GGA2: variants seen among roughly 807,000 people sequenced by gnomAD.
GGA2 encodes ADP-ribosylation factor-binding protein GGA2.
GGA2 carries 48 observed loss-of-function variants against 79.5 expected under a neutral mutation model. That is an observed-to-expected ratio of 0.60 (90% confidence interval 0.48 to 0.77). The LOEUF is 0.77. Ranked by LOEUF, GGA2 falls within the 30% of genes least tolerant of loss-of-function variation. The pLI, the probability that GGA2 is intolerant of heterozygous loss-of-function variation, is 0.00. For synonymous variants in GGA2, 317 were observed against 302.0 expected (o/e 1.05, Z -0.51); for missense variants, 770 against 774.0 (o/e 0.99, Z 0.06).
chr16:23,468,215 G>T (rs1964466286), intron 16 of GGA2, among the ~76,000 whole-genome samples: 1 of 151,852 alleles, frequency 6.6e-6, no homozygotes, highest in African/African-American at 2.4e-5. Context: ...GTCTCGCTCT[G>T]TCACCAGGCT....
intron 9 of GGA2, among the ~76,000 whole-genome samples, chr16:23,481,718 G>A (rs1964650792): frequency 6.6e-6 from 1 of 152,106 alleles, no homozygotes. Context: ...GGCTGTAGAG[G>A]CTACAGTGAG....
At chr16:23,501,120 G>T (rs1381649236) in intron 1 of GGA2, 6 of 402,170 alleles carry the variant, frequency 1.5e-5, no homozygotes, top group South Asian at 1.1e-4. Context: ...ACAAGAGAAG[G>T]TTCCAGGGAA....
intron 14 of GGA2, among the ~76,000 whole-genome samples, chr16:23,473,770 T>C (rs1452832276): frequency 6.6e-6 from 1 of 152,252 alleles, no homozygotes. Flanking sequence ...ACCCTTCATG[T>C]AGCTTCCCCA....
intron 8 of GGA2, among the ~76,000 whole-genome samples, chr16:23,484,853 A>G (rs1223122329): frequency 6.6e-6 from 1 of 152,250 alleles, no homozygotes; most frequent in African/African-American, 2.4e-5. Context: ...CAGCAATTCC[A>G]TTTCTAGGTA....
In GGA2 at chr16:23,491,701, C is replaced by T. The variant is rs373320474; in HGVS notation, c.451G>A (p.Ala151Thr). The change falls in exon 5 of 17, where the codon GCT becomes ACT. Residue 151 changes from alanine (A) to threonine (T), a missense_variant. Coordinates refer to ENST00000309859, the MANE Select transcript of GGA2 (RefSeq NM_015044.4). ...CCTTGTTTCTTCAGCATCTGATAAG[C>T]GTCTCGAATCTTGATGTCTTCCGGA... Reference protein sequence around the residue: ...WFPEDIKIRDAYQMLKKQGII... With the variant: ...WFPEDIKIRDTYQMLKKQGII... 2.2e-5 allele frequency: 35 copies of T among 1,612,528 alleles called. No individual in the cohort carries two copies. Among genetic ancestry groups the T allele is most frequent in the African/African-American group, 2.7e-5 (2 of 74,878 alleles).
At chr16:23,473,874 G>A (rs1045526582) in intron 14 of GGA2, among the ~76,000 whole-genome samples, 23 of 152,232 alleles carry the variant, frequency 1.5e-4, no homozygotes, top group Admixed American at 7.9e-4. Flanking sequence ...ATAAAGAAAT[G>A]TGCAAAGAGC....
chr16:23,508,267 T>C (rs1253756127), intron 1 of GGA2, among the ~76,000 whole-genome samples: 1 of 152,016 alleles, frequency 6.6e-6, no homozygotes, highest in African/African-American at 2.4e-5. Flanking sequence ...GGTTTCACCA[T>C]GTTGGCCAGG....
intron 6 of GGA2, among the ~76,000 whole-genome samples, 184 bp from the exon 7 acceptor site, chr16:23,486,974 CTTTTCTGTTGTTTTTTTTTTT>C (rs1374108489): frequency 7.5e-6 from 1 of 133,050 alleles, no homozygotes; most frequent in Admixed American, 8.9e-5. Flanking sequence ...CACTGGTTTT[CTTTTCTGTTGTTTTTTTTTTT>C]TTTTTGAGAC....
rs1567356535 is a variant in GGA2, at chr16:23,467,423, C to CACACACACACACACACACACACACAT, written c.*166_*167insATGTGTGTGTGTGTGTGTGTGTGTGT. ...ACACACACACACACACACACACACA[C>CACACACACACACACACACACACACAT]ACACACACACAGAGCATCTGCAGAA... On this transcript the variant is annotated 3_prime_UTR_variant, in exon 17 of 17. Coordinates refer to ENST00000309859, the MANE Select transcript of GGA2 (RefSeq NM_015044.4). The CACACACACACACACACACACACACAT allele has an allele frequency of 9.8e-6, 6 of 610,964 alleles. No individual in the cohort carries two copies. Among genetic ancestry groups the CACACACACACACACACACACACACAT allele is most frequent in the African/African-American group, 9.3e-5 (5 of 53,820 alleles). The allele number at this position is 610,964 out of a possible 1,614,324, so 37.8% of individuals were successfully genotyped here.
chr16:23,513,901 C>T (rs1965088795), upstream of GGA2, among the ~76,000 whole-genome samples: 1 of 151,902 alleles, frequency 6.6e-6, no homozygotes, highest in Admixed American at 6.6e-5. Context: ...TGCCCTATAC[C>T]TAGGAAGAAG....
chr16:23,497,767 T>C lies in GGA2; in HGVS notation c.92-1989A>G, dbSNP rs55823157. Among the ~76,000 whole-genome samples the C allele has an allele frequency of 1.7e-3, 256 of 152,300 alleles. 1 individual carries two copies. Among genetic ancestry groups the C allele is most frequent in the African/African-American group, 5.7e-3 (237 of 41,560 alleles). ...GATATTTTATCTGCCCCTTCTCCGA[T>C]AGGGATCTCCAGCTACACCCATTAG... On this transcript the variant is annotated intron_variant, in intron 1 of 16. Coordinates refer to ENST00000309859, the MANE Select transcript of GGA2 (RefSeq NM_015044.4).
At position 23,470,155 on chromosome 16, in the gene GGA2, C is replaced by A; in HGVS notation, c.1461G>T (p.Pro487=). The part of the protein sequence containing the change: ...PLESVKPSSL[P]PLIVYDRNGF... Reference sequence around the variant, plus strand: ...CATTCCGGTCATACACAATGAGAGGCGGCAGGCTGCCTGGTATAAAGGGCA... The same window carrying A: ...CATTCCGGTCATACACAATGAGAGGAGGCAGGCTGCCTGGTATAAAGGGCA... The change falls in exon 15 of 17, where the codon CCG becomes CCT. Residue 487 remains proline, a synonymous_variant. Transcript: ENST00000309859. The A allele has an allele frequency of 1.3e-6, 2 of 1,597,856 alleles. No individual in the cohort carries two copies. The highest frequency in any genetic ancestry group is 1.7e-6 in the Non-Finnish European group (2 of 1,173,170).
intron 1 of GGA2, 72 bp downstream of exon 1, chr16:23,510,237 CCCCGAAGCAAGG>C: frequency 2.2e-6 from 2 of 904,784 alleles, no homozygotes; most frequent in Non-Finnish European, 3.0e-6. Flanking sequence ...CGGCCGCCCG[CCCCGAAGCAAGG>C]CCCCGGGAGG....
chr16:23,477,497 A>G (rs536977061), intron 13 of GGA2, among the ~76,000 whole-genome samples: 228 of 152,084 alleles, frequency 1.5e-3, no homozygotes, highest in Non-Finnish European at 2.6e-3. Context: ...TAATCCCAGC[A>G]CTTTGGGAGG....
At chr16:23,481,692 G>A (rs575785610) in intron 9 of GGA2, among the ~76,000 whole-genome samples, 1 of 152,190 alleles carries the variant, frequency 6.6e-6, no homozygotes, top group East Asian at 1.9e-4. Context: ...AGAATCGCTT[G>A]AACACAGGAT....
At chr16:23,512,950 C>T (rs146397307), upstream of GGA2, among the ~76,000 whole-genome samples, 8 of 152,116 alleles carry the variant, frequency 5.3e-5, no homozygotes, top group African/African-American at 1.9e-4. Flanking sequence ...GGTGATCCGC[C>T]CACCTCGGCC....
chr16:23,488,523 T>C, intron 6 of GGA2, 83 bp downstream of exon 6: 1 of 838,738 alleles, frequency 1.2e-6, no homozygotes, highest in Non-Finnish European at 2.1e-6. Context: ...CCCCCCTCCA[T>C]ACTCCGATTC....
At chr16:23,470,309 C>T in intron 14 of GGA2, 144 bp from the exon 15 acceptor site, 1 of 577,132 alleles carries the variant, frequency 1.7e-6, no homozygotes, top group Non-Finnish European at 2.9e-6. Context: ...TCTGCACTAC[C>T]ATAATCCAAG....
chr16:23,497,613 C>T (rs78684194), intron 1 of GGA2, among the ~76,000 whole-genome samples: 6 of 152,196 alleles, frequency 3.9e-5, no homozygotes, highest in Non-Finnish European at 7.3e-5. Flanking sequence ...GCAAAGCTCT[C>T]TCCCATGTTC....
Sources: allele counts gnomAD v4.1 joint callset (sites outside exome capture counted in the v4.1 genomes callset), GRCh38; gene constraint gnomAD v4.1.1; transcripts MANE v1.5; gene names NCBI Gene and HGNC (gene_info 2026-07-23, HGNC 2026-07-21).